MINDY2: variants seen among roughly 807,000 people sequenced by gnomAD.
MINDY2 encodes the protein ubiquitin carboxyl-terminal hydrolase MINDY-2.
In MINDY2, 52 loss-of-function variants were observed where a neutral mutation model predicts 68.2. The observed-to-expected ratio is 0.76, with a 90% CI of 0.61 to 0.96. The LOEUF (loss-of-function observed/expected upper bound fraction) is 0.96, where lower values mean the gene tolerates loss of function less well. Ranked by LOEUF, MINDY2 falls within the 40% of genes least tolerant of loss-of-function variation. MINDY2 has a pLI of 0.00. For synonymous variants in MINDY2, 372 were observed against 303.0 expected (o/e 1.23, Z -2.36); for missense variants, 881 against 773.4 (o/e 1.14, Z -1.65).
intron 7 of MINDY2, among the ~76,000 whole-genome samples, chr15:58,849,581 AT>A (rs2032713901): frequency 6.6e-6 from 1 of 152,156 alleles, no homozygotes; most frequent in African/African-American, 2.4e-5. Flanking sequence ...AGGTGTTGAG[AT>A]TGTTATCTGG....
Position 58,787,918 on chromosome 15 carries a change from C to T in MINDY2, c.853C>T (p.Pro285Ser). ...LLLAWKVKLP[P>S]MMEIITAEQL... ...TTTTGTTTTTCAGGTGAAACTTCCA[C>T]CGATGATGGAAATCATAACTGCTGA... Residue 285 changes from proline (P) to serine (S), a missense_variant, in exon 2 of 9, where the codon CCG becomes TCG. Pro to Ser is a moderately conservative substitution (Grantham distance 74). Transcript: ENST00000559228. The T allele has an allele frequency of 1.3e-6, 2 of 1,595,070 alleles. No homozygotes were observed. Among genetic ancestry groups the T allele is most frequent in the South Asian group, 1.1e-5 (1 of 87,022 alleles).
chr15:58,824,232 C>G (rs2141004532), intron 5 of MINDY2, among the ~76,000 whole-genome samples: 1 of 152,146 alleles, frequency 6.6e-6, no homozygotes, highest in East Asian at 1.9e-4. Context: ...TTTCCTTAAC[C>G]TGATGTCACA....
At chr15:58,806,721 G>A (rs2140965602) in intron 3 of MINDY2, among the ~76,000 whole-genome samples, 1 of 152,208 alleles carries the variant, frequency 6.6e-6, no homozygotes, top group Admixed American at 6.5e-5. Context: ...AGGAAAATCT[G>A]GTGGTTGTAA....
At chr15:58,844,688 C>T (rs1282341681) in intron 6 of MINDY2, among the ~76,000 whole-genome samples, 2 of 150,598 alleles carry the variant, frequency 1.3e-5, no homozygotes, top group African/African-American at 2.4e-5. Flanking sequence ...GAAGCTGAGG[C>T]GGTGGATCAT....
At chr15:58,848,525 C>G (rs550236486) in intron 7 of MINDY2, among the ~76,000 whole-genome samples, 4 of 152,148 alleles carry the variant, frequency 2.6e-5, no homozygotes, top group African/African-American at 9.6e-5. Context: ...GGGTAGATCA[C>G]AAGGTCAGGA....
chr15:58,802,587 C>A (rs997534855), intron 3 of MINDY2, among the ~76,000 whole-genome samples: 6 of 151,894 alleles, frequency 4.0e-5, no homozygotes, highest in Non-Finnish European at 8.8e-5. Context: ...TAGCTCACAG[C>A]CAGATTTTTC....
At chr15:58,779,474 A>G (rs2140898812) in intron 1 of MINDY2, among the ~76,000 whole-genome samples, 1 of 152,318 alleles carries the variant, frequency 6.6e-6, no homozygotes, top group South Asian at 2.1e-4. Flanking sequence ...TGACTTGCAG[A>G]AACATTGTAA....
chr15:58,783,346 G>C (rs1901281868), intron 1 of MINDY2, among the ~76,000 whole-genome samples: 1 of 152,064 alleles, frequency 6.6e-6, no homozygotes, highest in African/African-American at 2.4e-5. Flanking sequence ...TATTATATTG[G>C]TATTCTAATT....
chr15:58,833,489 G>A (rs550351160), intron 6 of MINDY2, among the ~76,000 whole-genome samples: 60 of 152,294 alleles, frequency 3.9e-4, no homozygotes, highest in Admixed American at 1.3e-3. Flanking sequence ...GAGGATCCAC[G>A]CCGGCACCGG....
At chr15:58,775,705 A>C (rs1900729947) in intron 1 of MINDY2, among the ~76,000 whole-genome samples, 1 of 152,166 alleles carries the variant, frequency 6.6e-6, no homozygotes. Context: ...GATCTTTCCA[A>C]AGATAGGGAA....
At position 58,775,822 on chromosome 15, in the gene MINDY2, G is replaced by C. The variant is rs554881013; in HGVS notation, c.840+3587G>C. On this transcript the variant is annotated intron_variant, in intron 1 of 8. Coordinates refer to ENST00000559228, the MANE Select transcript of MINDY2 (RefSeq NM_001040450.3). ...TAAAAATATAAATGTTCGTTATGCT[G>C]TTAGAAGCATGGACTGGGTCTCAGT... 3.4e-3 allele frequency among the ~76,000 whole-genome samples: 523 copies of C among 151,696 alleles called. 16 individuals carry two copies. The highest frequency in any genetic ancestry group is 1.0e-3 in the Non-Finnish European group (68 of 67,890).
At position 58,785,136 on chromosome 15, in the gene MINDY2, A is replaced by C. The variant is rs1209399681; in HGVS notation, c.841-2770A>C. Among the ~76,000 whole-genome samples the C allele has an allele frequency of 6.9e-5, 5 of 72,870 alleles. No homozygotes were observed. The East Asian group carries it at 5.2e-3, about 76-fold the overall frequency. The allele number at this position is 72,870 out of a possible 152,430, so 47.8% of individuals were successfully genotyped here. A position where few individuals can be genotyped will look rare whatever the true frequency, so the allele number is the denominator to read the frequency against. ...TGAAGTGATGGTGGTGAAGGAAAGCAAAAAAAAAAAAAAAAAAAAAAAGAA... is the reference window on the plus strand; with the variant it reads ...TGAAGTGATGGTGGTGAAGGAAAGCCAAAAAAAAAAAAAAAAAAAAAAGAA... On this transcript the variant is annotated intron_variant, in intron 1 of 8. Coordinates refer to ENST00000559228, the MANE Select transcript of MINDY2 (RefSeq NM_001040450.3).
Position 58,771,792 on chromosome 15 carries a change from C to A in MINDY2, c.397C>A (p.Pro133Thr), listed in dbSNP as rs1420157377. Residue 133 changes from proline to threonine, a missense_variant, in exon 1 of 9, where the codon CCG becomes ACG. Transcript: ENST00000559228. Reference protein sequence around the residue: ...LGTAGDAGARPDLAGTCQAEL... With the variant: ...LGTAGDAGARTDLAGTCQAEL... The stretch of plus-strand genomic sequence containing the variant: ...TACCGCCGGAGACGCGGGAGCCCGC[C>A]CGGATCTCGCCGGCACCTGCCAAGC... 1 of 1,609,826 alleles carries A rather than the reference C, an allele frequency of 6.2e-7. No individual in the cohort carries two copies. Among genetic ancestry groups the A allele is most frequent in the Non-Finnish European group, 8.5e-7 (1 of 1,178,894 alleles).
At position 58,836,237 on chromosome 15, in the gene MINDY2, C is replaced by CT. The variant is rs778968248; in HGVS notation, c.1368+4336dup. Among the ~76,000 whole-genome samples, 1,129 of 140,304 alleles carry CT rather than the reference C, an allele frequency of 8.0e-3. 4 individuals are homozygous for CT. The highest frequency in any genetic ancestry group is 9.0e-3 in the African/African-American group (345 of 38,468). 92.0% of individuals were successfully genotyped at this position (140,304 alleles called of 152,430 possible). ...TTGCATCTCAAAATTAACTATAATT[C>CT]TTTTTTTTTTTTTTTGAGACAGGGT... is the stretch of plus-strand genomic sequence containing the variant. On this transcript the variant is annotated intron_variant, in intron 6 of 8. Transcript: ENST00000559228.
rs1197145787 is a variant in MINDY2 at position 58,857,866 on chromosome 15, A to T, written c.*3256A>T. 1 of 152,218 alleles carries T rather than the reference A, an allele frequency of 6.6e-6. No homozygotes were observed. The highest frequency in any genetic ancestry group is 2.4e-5 in the African/African-American group (1 of 41,458). 9.4% of individuals were successfully genotyped at this position (152,218 alleles called of 1,614,324 possible). ...CATTGCACTTTCCTTTTACTTTCAG[A>T]GTCTAAGTATATTCCTTAAGGTTAG... On this transcript the variant is annotated 3_prime_UTR_variant, in exon 9 of 9. Transcript: ENST00000559228.
At chr15:58,776,178 A>G (rs1900758373) in intron 1 of MINDY2, among the ~76,000 whole-genome samples, 1 of 152,210 alleles carries the variant, frequency 6.6e-6, no homozygotes, top group African/African-American at 2.4e-5. Flanking sequence ...TGGTAGTACT[A>G]CATAGAGTAA....
chr15:58,843,784 A>G (rs1346253567), intron 6 of MINDY2, among the ~76,000 whole-genome samples: 13 of 142,400 alleles, frequency 9.1e-5, no homozygotes, highest in Admixed American at 7.9e-5. Context: ...CAGTGAGCCA[A>G]GTCACGCCAC....
intron 4 of MINDY2, among the ~76,000 whole-genome samples, chr15:58,814,599 G>A (rs1408876352): frequency 3.6e-5 from 5 of 137,724 alleles, no homozygotes; most frequent in African/African-American, 5.9e-5. Context: ...GGCTGGTCTC[G>A]AACTCCTGGG....
intron 1 of MINDY2, among the ~76,000 whole-genome samples, chr15:58,783,502 C>T (rs1364924985): frequency 1.3e-5 from 2 of 152,160 alleles, no homozygotes; most frequent in Admixed American, 1.3e-4. Context: ...GTGTCAAAAC[C>T]TTGGCATATC....
Sources: gnomAD v4.1 joint callset for allele counts (sites outside exome capture counted in the v4.1 genomes callset) on GRCh38, gnomAD v4.1.1 for gene constraint, MANE v1.5 for transcripts, NCBI Gene and HGNC (gene_info 2026-07-23, HGNC 2026-07-21) for gene names.